The following ATRNL1 variants were observed in gnomAD, a reference collection of about 807,000 sequenced individuals.
The protein encoded by ATRNL1 is attractin like 1.
A neutral mutation model predicts 182.7 loss-of-function variants in ATRNL1; 95 were observed. That is an observed-to-expected ratio of 0.52 (90% CI 0.44 to 0.62). The LOEUF (loss-of-function observed/expected upper bound fraction) is 0.62. ATRNL1 is among the 20% of genes least tolerant of loss of function. The pLI is 0.00. For missense variants in ATRNL1, 1,471 were observed against 1,679.5 expected (o/e 0.88, Z 2.17); for synonymous variants, 576 against 568.3 (o/e 1.01, Z -0.19).
intron 26 of ATRNL1, among the ~76,000 whole-genome samples, chr10:115,719,711 C>G (rs186893608): frequency 5.3e-5 from 8 of 151,808 alleles, no homozygotes; most frequent in Non-Finnish European, 1.2e-4. Flanking sequence ...ATCATCCCCC[C>G]GCCACCAAAA....
chr10:115,819,502 G>T (rs1219374375), intron 27 of ATRNL1, among the ~76,000 whole-genome samples: 1 of 152,004 alleles, frequency 6.6e-6, no homozygotes, highest in Non-Finnish European at 1.5e-5. Context: ...CTCACCGCTA[G>T]CATGAGTTGT....
intron 5 of ATRNL1, among the ~76,000 whole-genome samples, chr10:115,135,896 G>T (rs1343534985): frequency 2.0e-5 from 3 of 150,204 alleles, no homozygotes; most frequent in Non-Finnish European, 4.4e-5. Flanking sequence ...ATCTCACTCT[G>T]TGGCTCAGGC....
At chr10:115,693,516 C>T (rs1413193445) in intron 26 of ATRNL1, among the ~76,000 whole-genome samples, 1 of 152,048 alleles carries the variant, frequency 6.6e-6, no homozygotes, top group South Asian at 2.1e-4. Flanking sequence ...AGATTAAAAA[C>T]GCTATACAAT....
intron 22 of ATRNL1, among the ~76,000 whole-genome samples, chr10:115,466,383 G>A (rs141102145): frequency 1.5e-3 from 226 of 151,350 alleles, no homozygotes; most frequent in African/African-American, 5.1e-3. Flanking sequence ...AATACACTCA[G>A]TATCTGAAGC....
intron 28 of ATRNL1, among the ~76,000 whole-genome samples, chr10:115,922,933 G>A (rs1953110877): frequency 6.6e-6 from 1 of 152,180 alleles, no homozygotes; most frequent in Admixed American, 6.5e-5. Context: ...TGGTGAGGTA[G>A]TAGATGGCTT....
intron 21 of ATRNL1, among the ~76,000 whole-genome samples, chr10:115,436,766 GA>G (rs1846423051): frequency 6.6e-6 from 1 of 152,028 alleles, no homozygotes; most frequent in Non-Finnish European, 1.5e-5. Context: ...TGCGTTTACT[GA>G]CTTGTGTTTA....
At chr10:115,595,854 T>C (rs1856205331) in intron 26 of ATRNL1, among the ~76,000 whole-genome samples, 1 of 152,208 alleles carries the variant, frequency 6.6e-6, no homozygotes, top group Non-Finnish European at 1.5e-5. Flanking sequence ...AAAATCAAAA[T>C]GTCAGTATAT....
chr10:115,334,411 A>G lies in ATRNL1; in HGVS notation c.3167A>G (p.Gln1056Arg), dbSNP rs782354827. The G allele has an allele frequency of 1.3e-6, 2 of 1,554,088 alleles. No homozygotes were observed. The highest frequency in any genetic ancestry group is 2.4e-5 in the South Asian group (2 of 81,722). The change falls in exon 19 of 29, where the codon CAG becomes CGG. Residue 1056 changes from glutamine (Q) to arginine (R), a missense_variant. By Grantham distance (43) the Gln-to-Arg change is conservative. Around this residue, in one of 3 missense-constraint regions of ATRNL1, gnomAD observed 437 missense variants for 506.0 expected, o/e 0.86. Transcript: ENST00000355044. ...TATGGAGATCCAACCAATGGTGGAC[A>G]GTGCACAGGTAAGTTTCTTTTAAGC... ...GYYGDPTNGG[Q>R]CTACTCSGHA...
At chr10:115,239,272 A>T (rs1270954206) in intron 9 of ATRNL1, among the ~76,000 whole-genome samples, 3 of 151,930 alleles carry the variant, frequency 2.0e-5, no homozygotes, top group African/African-American at 7.3e-5. Context: ...TCACTCTGTT[A>T]CCTGGGCTAG....
At chr10:115,700,723 T>C (rs546588193) in intron 26 of ATRNL1, among the ~76,000 whole-genome samples, 1 of 152,060 alleles carries the variant, frequency 6.6e-6, no homozygotes, top group Non-Finnish European at 1.5e-5. Flanking sequence ...GCATTATATA[T>C]TGATAAAGAG....
chr10:115,604,950 A>T (rs1856800871), intron 26 of ATRNL1, among the ~76,000 whole-genome samples: 1 of 152,144 alleles, frequency 6.6e-6, no homozygotes, highest in Non-Finnish European at 1.5e-5. Context: ...GTTACCAAAG[A>T]TATTTATCTC....
At chr10:115,710,132 T>TA (rs71475106) in intron 26 of ATRNL1, among the ~76,000 whole-genome samples, 60,495 of 148,676 alleles carry the variant, frequency 0.41, 12,662 homozygotes, top group East Asian at 0.63. Flanking sequence ...TATCCTATAG[T>TA]AAAAAAAAAA....
At chr10:115,459,380 C>CT (rs1847683662) in intron 21 of ATRNL1, among the ~76,000 whole-genome samples, 1 of 152,118 alleles carries the variant, frequency 6.6e-6, no homozygotes, top group Admixed American at 6.6e-5. Flanking sequence ...TCACTGAATT[C>CT]TTTTTCTCAG....
chr10:115,489,861 A>G (rs1554976129), intron 24 of ATRNL1, among the ~76,000 whole-genome samples: 1 of 152,190 alleles, frequency 6.6e-6, no homozygotes, highest in African/African-American at 2.4e-5. Context: ...AGTGGCCGGT[A>G]CCAGTCATTC....
At chr10:115,884,673 T>A (rs1555109367) in intron 28 of ATRNL1, among the ~76,000 whole-genome samples, 1 of 152,176 alleles carries the variant, frequency 6.6e-6, no homozygotes, top group African/African-American at 2.4e-5. Context: ...GCAAAAAAAC[T>A]GCCGAAGAGA....
intron 10 of ATRNL1, among the ~76,000 whole-genome samples, chr10:115,256,014 T>G (rs1480680021): frequency 6.6e-6 from 1 of 152,218 alleles, no homozygotes; most frequent in Non-Finnish European, 1.5e-5. Context: ...ATAAGCTTTT[T>G]GATGTGCTGA....
At chr10:115,359,989 AG>A (rs1554943785) in intron 19 of ATRNL1, among the ~76,000 whole-genome samples, 1 of 151,690 alleles carries the variant, frequency 6.6e-6, no homozygotes, top group African/African-American at 2.4e-5. Context: ...ATTTCAAAGT[AG>A]TATAAGACTA....
chr10:115,195,569 T>C (rs1334941184), intron 8 of ATRNL1, among the ~76,000 whole-genome samples: 1 of 152,124 alleles, frequency 6.6e-6, no homozygotes, highest in Non-Finnish European at 1.5e-5. Flanking sequence ...GAATATTATA[T>C]ACCTTGAAGT....
chr10:115,127,543 C>T, intron 3 of ATRNL1, 50 bp from the exon 4 acceptor site: 2 of 1,469,618 alleles, frequency 1.4e-6, no homozygotes, highest in Non-Finnish European at 1.9e-6. Flanking sequence ...ATGTGCTTAA[C>T]AGTCTTATGT....
Sources: allele counts gnomAD v4.1 joint callset (sites outside exome capture counted in the v4.1 genomes callset), GRCh38; gene constraint gnomAD v4.1.1; regional missense constraint gnomAD v4.1.1; transcripts MANE v1.5; gene names NCBI Gene and HGNC (gene_info 2026-07-23, HGNC 2026-07-21).